DDX27: variants seen among roughly 807,000 people sequenced by gnomAD.
The protein encoded by DDX27 is probable ATP-dependent RNA helicase DDX27.
A neutral mutation model predicts 99.3 loss-of-function variants in DDX27; 42 were observed. The observed-to-expected ratio is 0.42, with a 90% CI of 0.33 to 0.55. The LOEUF (loss-of-function observed/expected upper bound fraction) is 0.55. DDX27 is among the 20% of genes least tolerant of loss of function. The pLI, the probability that DDX27 is intolerant of heterozygous loss-of-function variation, is 0.07. For synonymous variants in DDX27, 329 were observed against 353.8 expected (o/e 0.93, Z 0.79); for missense variants, 798 against 976.8 (o/e 0.82, Z 2.44).
At chr20:49,237,063 G>GT (rs1463293288) in intron 14 of DDX27, among the ~76,000 whole-genome samples, 4 of 152,096 alleles carry the variant, frequency 2.6e-5, no homozygotes, top group Admixed American at 2.0e-4. Context: ...CCTGAGCATG[G>GT]TAGCTCTTGC....
chr20:49,233,753 T>A (rs369160831), intron 11 of DDX27, 44 bp downstream of exon 11: 514 of 1,597,608 alleles, frequency 3.2e-4, no homozygotes, highest in Non-Finnish European at 4.1e-4. Context: ...CTGGTCAGCT[T>A]CCTTGAGCTC....
intron 1 of DDX27, among the ~76,000 whole-genome samples, chr20:49,220,829 C>G (rs184611481): frequency 6.6e-6 from 1 of 151,078 alleles, no homozygotes; most frequent in African/African-American, 2.4e-5. Context: ...TTGCTAAAAA[C>G]AAAACAAAAC....
intron 14 of DDX27, 122 bp from the exon 15 acceptor site, chr20:49,238,827 C>T: frequency 1.7e-6 from 1 of 595,884 alleles, no homozygotes; most frequent in Non-Finnish European, 2.9e-6. Context: ...CCAGGCTGGC[C>T]TCAAATTCCT....
intron 2 of DDX27, 105 bp from the exon 3 acceptor site, chr20:49,222,852 A>C (rs1250635405): frequency 1.1e-6 from 1 of 902,040 alleles, no homozygotes; most frequent in Non-Finnish European, 1.6e-6. Flanking sequence ...GTATTTTCAG[A>C]GAAGGCCAAA....
chr20:49,219,525 G>A lies in DDX27; in HGVS notation c.77G>A (p.Gly26Glu), dbSNP rs774831119. 6.2e-7 allele frequency: 1 copy of A among 1,613,794 alleles called. No homozygotes were observed. Among genetic ancestry groups the A allele is most frequent in the Non-Finnish European group, 8.5e-7 (1 of 1,179,898 alleles). The change falls in exon 1 of 21, where the codon GGG becomes GAG. Residue 26 changes from glycine to glutamate, a missense_variant. Coordinates refer to ENST00000618172, the MANE Select transcript of DDX27 (RefSeq NM_017895.8). ...CCGGTGGAGCCCGAGTCTGACTCCG[G>A]GGACGAGGAAGAGGAGGTATGAGCA... is the stretch of plus-strand genomic sequence containing the variant. ...EVPVEPESDS[G>E]DEEEEGPIVL... is the part of the protein sequence containing the mutation.
chr20:49,239,475 T>C, intron 16 of DDX27, 137 bp downstream of exon 16: 1 of 660,668 alleles, frequency 1.5e-6, no homozygotes, highest in East Asian at 2.7e-5. Flanking sequence ...TGGAAGACAA[T>C]GTTTCCACAT....
In DDX27 at chr20:49,233,706, G is replaced by A. The variant is rs1336427502; in HGVS notation, c.1270G>A (p.Ala424Thr). ...TGAAGGAGACCGGGAAGCCATCGTG[G>A]CAGGTGGCAGCACAGGGCAAGCCTG... ...NREGDREAIV[A>T]ALLTRTFTDH... The change falls in exon 11 of 21, where the codon GCA (alanine) becomes ACA (threonine). Residue 424 changes from alanine (A) to threonine (T), a missense_variant. Ala to Thr is a moderately conservative substitution (Grantham distance 58). This residue lies in a region of DDX27 where 553 missense variants were observed against 727.9 expected (regional missense o/e 0.76). Transcript: ENST00000618172. The A allele has an allele frequency of 1.9e-6, 3 of 1,613,154 alleles. No homozygotes were observed. Among genetic ancestry groups the A allele is most frequent in the Non-Finnish European group, 2.5e-6 (3 of 1,179,602 alleles).
At chr20:49,222,883 A>C in intron 2 of DDX27, 74 bp from the exon 3 acceptor site, 1 of 1,321,372 alleles carries the variant, frequency 7.6e-7, no homozygotes, top group African/African-American at 1.5e-5. Context: ...TTTCAAGTTA[A>C]TTATGAAGAG....
Position 49,223,399 on chromosome 20 carries a change from C to T in DDX27, c.432C>T (p.Tyr144=). 6.2e-7 allele frequency: 1 copy of T among 1,613,110 alleles called. No homozygotes were observed. Among genetic ancestry groups the T allele is most frequent in the Non-Finnish European group, 8.5e-7 (1 of 1,179,748 alleles). ...AAGATGAAGCCTCGGAGACTGACTA[C>T]TCATCAGCTGATGAGAACATCCTCA... ...GSEDEASETD[Y]SSADENILTK... is the part of the protein sequence containing the mutation. Residue 144 remains tyrosine, a synonymous_variant, in exon 4 of 21, where the codon TAC becomes TAT. Coordinates refer to ENST00000618172, the MANE Select transcript of DDX27 (RefSeq NM_017895.8).
rs921277458 is a variant in DDX27, at chr20:49,223,098, T to C, written c.300+82T>C. On this transcript the variant is annotated intron_variant, in intron 3 of 20. Coordinates refer to ENST00000618172, the MANE Select transcript of DDX27 (RefSeq NM_017895.8). ...GACCCCAGCATCTCTCTGGAAGCCC[T>C]TATAGAGCGGGGCATGGCTGGGGCA... 5 of 1,468,806 alleles carry C rather than the reference T, an allele frequency of 3.4e-6. No homozygotes were observed. The Admixed American group carries it at 7.5e-5, about 22-fold the overall frequency. The allele number at this position is 1,468,806 out of a possible 1,614,324, so 91.0% of individuals were successfully genotyped here. A position where few individuals can be genotyped will look rare whatever the true frequency, so the allele number is the denominator to read the frequency against.
Position 49,233,670 on chromosome 20 carries a change from C to A in DDX27, c.1234C>A (p.Arg412=), listed in dbSNP as rs1193996648. ...CCTGCGGCAGGAGTTCATCCGGATC[C>A]GGCCTAATCGTGAAGGAGACCGGGA... ...PFLRQEFIRI[R]PNREGDREAI... The change falls in exon 11 of 21, where the codon CGG becomes AGG. Residue 412 remains arginine (R), a synonymous_variant. Transcript: ENST00000618172. The A allele has an allele frequency of 1.2e-6, 2 of 1,613,818 alleles. No homozygotes were observed. The highest frequency in any genetic ancestry group is 2.7e-5 in the African/African-American group (2 of 74,920).
chr20:49,221,211 C>T (rs1979666548), intron 1 of DDX27, among the ~76,000 whole-genome samples: 1 of 152,198 alleles, frequency 6.6e-6, no homozygotes, highest in African/African-American at 2.4e-5. Flanking sequence ...CCACCCACCT[C>T]GGCCTCCCAA....
rs991844248 is a variant in DDX27 at position 49,233,662 on chromosome 20, T to C, written c.1226T>C (p.Ile409Thr). 6.2e-7 allele frequency: 1 copy of C among 1,613,894 alleles called. No individual in the cohort carries two copies. The highest frequency in any genetic ancestry group is 1.3e-5 in the African/African-American group (1 of 74,930). ...DVAPFLRQEF[I>T]RIRPNREGDR... ...GCTCCCTTCCTGCGGCAGGAGTTCA[T>C]CCGGATCCGGCCTAATCGTGAAGGA... Residue 409 changes from isoleucine to threonine, a missense_variant, in exon 11 of 21, where the codon ATC becomes ACC. By Grantham distance (89) the Ile-to-Thr change is moderately conservative (BLOSUM62 -1). Transcript: ENST00000618172.
At chr20:49,237,313 T>C (rs1980338542) in intron 14 of DDX27, among the ~76,000 whole-genome samples, 1 of 152,158 alleles carries the variant, frequency 6.6e-6, no homozygotes, top group Non-Finnish European at 1.5e-5. Flanking sequence ...TGGGCAAAAG[T>C]GCAAGACCCT....
intron 7 of DDX27, among the ~76,000 whole-genome samples, chr20:49,226,856 A>AATTTTTTT (rs1568972767): frequency 3.5e-5 from 1 of 28,432 alleles, no homozygotes; most frequent in Non-Finnish European, 8.9e-5. Flanking sequence ...AGAGTAAAGG[A>AATTTTTTT]CTTTTTTTTT....
In DDX27 at chr20:49,228,873, A is replaced by G. The variant is rs771950945; in HGVS notation, c.865A>G (p.Thr289Ala). 6.3e-7 allele frequency: 1 copy of G among 1,595,692 alleles called. No individual in the cohort carries two copies. The highest frequency in any genetic ancestry group is 1.1e-5 in the South Asian group (1 of 90,134). The part of the protein sequence containing the change: ...RQLAQFCNIT[T>A]CLAVGGLDVK... ...GCTGGCCCAGTTCTGCAACATCACC[A>G]CCTGCCTGGCTGTGGGTGAGTTTCT... The change falls in exon 8 of 21, where the codon ACC (threonine) becomes GCC (alanine). Residue 289 changes from threonine to alanine, a missense_variant. Thr to Ala is a moderately conservative substitution (Grantham distance 58, BLOSUM62 0). Around this residue, in one of 2 missense-constraint regions of DDX27, gnomAD observed 553 missense variants for 727.9 expected, o/e 0.76. Transcript: ENST00000618172.
intron 4 of DDX27, among the ~76,000 whole-genome samples, chr20:49,224,456 G>A (rs139893761): frequency 0.016 from 2,306 of 148,578 alleles, 60 homozygotes; most frequent in South Asian, 0.07. Flanking sequence ...TCTGCCTCCC[G>A]GGTGCAAGCA....
chr20:49,228,633 G>C, intron 7 of DDX27, 82 bp from the exon 8 acceptor site: 1 of 1,325,828 alleles, frequency 7.5e-7, no homozygotes, highest in Non-Finnish European at 1.0e-6. Flanking sequence ...ACCAGACGTA[G>C]TTTTTCTGTG....
chr20:49,220,183 T>A (rs1169400533), intron 1 of DDX27, among the ~76,000 whole-genome samples: 1 of 152,206 alleles, frequency 6.6e-6, no homozygotes, highest in Non-Finnish European at 1.5e-5. Flanking sequence ...CCTCCAAAGA[T>A]GAACTTGTGT....
Sources: gnomAD v4.1 joint callset for allele counts (sites outside exome capture counted in the v4.1 genomes callset) on GRCh38, gnomAD v4.1.1 for gene constraint, gnomAD v4.1.1 regional missense constraint, MANE v1.5 for transcripts, NCBI Gene and HGNC (gene_info 2026-07-23, HGNC 2026-07-21) for gene names.